Variants in TKFC observed in about 807,000 individuals in gnomAD.
TKFC encodes the protein triokinase and FMN cyclase, also known as triokinase/FMN cyclase.
TKFC carries 46 observed loss-of-function variants against 61.0 expected under a neutral mutation model. That is an observed-to-expected ratio of 0.75 (90% CI 0.60 to 0.96). TKFC has a LOEUF of 0.96. Ranked by LOEUF, TKFC falls within the 50% of genes least tolerant of loss-of-function variation. The pLI, the probability that TKFC is intolerant of heterozygous loss-of-function variation, is 0.00. For synonymous variants in TKFC, 314 were observed against 330.1 expected (o/e 0.95, Z 0.53); for missense variants, 715 against 777.5 (o/e 0.92, Z 0.96).
In TKFC at chr11:61,339,101, G is replaced by A. The variant is rs368722603; in HGVS notation, c.229G>A (p.Ala77Thr). 1.3e-5 allele frequency: 21 copies of A among 1,613,534 alleles called. No individual in the cohort carries two copies. The highest frequency in any genetic ancestry group is 1.1e-4 in the East Asian group (5 of 44,888). The change falls in exon 4 of 18, where the codon GCG becomes ACG. Residue 77 changes from alanine to threonine, a missense_variant. Coordinates refer to ENST00000394900, the MANE Select transcript of TKFC (RefSeq NM_015533.4). The part of the protein sequence containing the change: ...IGKGMLTGVI[A>T]GAVFTSPAVG... ...GAAGGGGATGCTGACTGGGGTCATCGCGGGAGCTGTGTTCACCTCCCCGGC... is the reference window on the plus strand; with the variant it reads ...GAAGGGGATGCTGACTGGGGTCATCACGGGAGCTGTGTTCACCTCCCCGGC...
chr11:61,344,741 T>C (rs892266803), intron 13 of TKFC, among the ~76,000 whole-genome samples: 1 of 152,238 alleles, frequency 6.6e-6, no homozygotes, highest in African/African-American at 2.4e-5. Flanking sequence ...AGTGAATAAC[T>C]TACAACTCAA....
intron 10 of TKFC, 162 bp downstream of exon 10, chr11:61,343,006 G>A: frequency 1.4e-6 from 1 of 708,352 alleles, no homozygotes; most frequent in South Asian, 1.8e-5. Context: ...TTGTTTTCTT[G>A]TCTGCAAATT....
chr11:61,348,431 C>T lies in TKFC; in HGVS notation c.*1928C>T. 1 of 985,406 alleles carries T rather than the reference C, an allele frequency of 1.0e-6. No homozygotes were observed. Among genetic ancestry groups the T allele is most frequent in the South Asian group, 4.7e-5 (1 of 21,286 alleles). 61.0% of individuals were successfully genotyped at this position (985,406 alleles called of 1,614,324 possible). A position where few individuals can be genotyped will look rare whatever the true frequency, so the allele number is the denominator to read the frequency against. ...GGTCAGACCTGTCCTGAGGCTTTTACAAATTGGCCCAGAACTCATTTAACC... is the reference window on the plus strand; with the variant it reads ...GGTCAGACCTGTCCTGAGGCTTTTATAAATTGGCCCAGAACTCATTTAACC... On this transcript the variant is annotated 3_prime_UTR_variant, in exon 18 of 18. Coordinates refer to ENST00000394900, the MANE Select transcript of TKFC (RefSeq NM_015533.4).
At position 61,347,266 on chromosome 11, in the gene TKFC, G is replaced by A; in HGVS notation, c.*763G>A. ...AGATCAAAAAATGCAGCCAGGCCGG[G>A]CACGGTGGCTCACACCTGCAATCCC... On this transcript the variant is annotated 3_prime_UTR_variant, in exon 18 of 18. Transcript: ENST00000394900. The A allele has an allele frequency of 1.0e-6, 1 of 985,458 alleles. No individual in the cohort carries two copies. Among genetic ancestry groups the A allele is most frequent in the Non-Finnish European group, 1.2e-6 (1 of 829,994 alleles). 61.0% of individuals were successfully genotyped at this position (985,458 alleles called of 1,614,324 possible).
Position 61,334,672 on chromosome 11 carries a change from T to A in TKFC, c.-57T>A. On this transcript the variant is annotated 5_prime_UTR_variant, in exon 2 of 18. Coordinates refer to ENST00000394900, the MANE Select transcript of TKFC (RefSeq NM_015533.4). ...GACCCAGGTAGCACAGGATTGTCCA[T>A]CCTCCAGCAGCTCAGTGCAACGGTG... The A allele has an allele frequency of 1.2e-6, 2 of 1,613,394 alleles. No homozygotes were observed. The highest frequency in any genetic ancestry group is 1.7e-6 in the Non-Finnish European group (2 of 1,179,644).
At position 61,338,032 on chromosome 11, in the gene TKFC, AG is replaced by A; in HGVS notation, c.98del (p.Gly33AlafsTer35). The A allele has an allele frequency of 6.2e-7, 1 of 1,613,630 alleles. No individual in the cohort carries two copies. Among genetic ancestry groups the A allele is most frequent in the Non-Finnish European group, 8.5e-7 (1 of 1,179,946 alleles). Reference protein sequence around the residue: ...VACNPNLQLLQGHRVALRSDL... With the variant: ...VACNPNLQLLXGHRVALRSDL... ...TGCAACCCCAACCTGCAGCTCCTGC[AG>A]GGCCACCGCGTGGCCCTCCGTTCTG... is the stretch of plus-strand genomic sequence containing the variant. On this transcript the variant is annotated frameshift_variant, in exon 3 of 18. Coordinates refer to ENST00000394900, the MANE Select transcript of TKFC (RefSeq NM_015533.4).
chr11:61,345,473 G>T lies in TKFC; in HGVS notation c.1359G>T (p.Leu453=). ...MGGSSGALYG[L]FLTAAAQPLK... ...GTCATCTTCCCCAGCTCTATGGCCT[G>T]TTCCTGACTGCGGCTGCACAGCCCC... The change falls in exon 15 of 18, where the codon CTG becomes CTT. Residue 453 remains leucine (L), a synonymous_variant. Coordinates refer to ENST00000394900, the MANE Select transcript of TKFC (RefSeq NM_015533.4). The T allele has an allele frequency of 2.5e-6, 4 of 1,613,424 alleles. No homozygotes were observed. The highest frequency in any genetic ancestry group is 3.4e-6 in the Non-Finnish European group (4 of 1,180,012).
Position 61,348,596 on chromosome 11 carries a change from G to C in TKFC, c.*2093G>C. 1.5e-6 allele frequency: 1 copy of C among 658,704 alleles called. No homozygotes were observed. The highest frequency in any genetic ancestry group is 1.9e-6 in the Non-Finnish European group (1 of 531,134). 40.8% of individuals were successfully genotyped at this position (658,704 alleles called of 1,614,324 possible). A position where few individuals can be genotyped will look rare whatever the true frequency, so the allele number is the denominator to read the frequency against. ...GGGAGGTGATGGGGTTATGAGGGTG[G>C]AGCCCCAGAGAGCTCTCACGCCCTT... On this transcript the variant is annotated 3_prime_UTR_variant, in exon 18 of 18. Coordinates refer to ENST00000394900, the MANE Select transcript of TKFC (RefSeq NM_015533.4).
downstream of TKFC, chr11:61,349,871 C>T: frequency 1.8e-6 from 1 of 557,398 alleles, no homozygotes; most frequent in South Asian, 2.0e-5. Context: ...GAAATGCACA[C>T]CTTTATGGGG....
rs1257219440 is a variant in TKFC, at chr11:61,348,166, A to G, written c.*1663A>G. 11 of 985,284 alleles carry G rather than the reference A, an allele frequency of 1.1e-5. No individual in the cohort carries two copies. The highest frequency in any genetic ancestry group is 3.5e-5 in the African/African-American group (2 of 57,224). The allele number at this position is 985,284 out of a possible 1,614,324, so 61.0% of individuals were successfully genotyped here. A position where few individuals can be genotyped will look rare whatever the true frequency, so the allele number is the denominator to read the frequency against. ...GCTGACCTCAGACGGTGGCCTGTGGATCCCAGCTCTGTCATTTCCTGGCTG... is the reference window on the plus strand; with the variant it reads ...GCTGACCTCAGACGGTGGCCTGTGGGTCCCAGCTCTGTCATTTCCTGGCTG... On this transcript the variant is annotated 3_prime_UTR_variant, in exon 18 of 18. Transcript: ENST00000394900.
intron 13 of TKFC, 86 bp downstream of exon 13, chr11:61,344,359 CTTTTT>C (rs56214441): frequency 1.2e-3 from 1,271 of 1,082,182 alleles, no homozygotes; most frequent in Non-Finnish European, 1.3e-3. Flanking sequence ...AGGGACCTTC[CTTTTT>C]TTTTTTTTTT....
Position 61,340,389 on chromosome 11 carries a change from C to G in TKFC, c.486+954C>G, listed in dbSNP as rs1856807313. 5.2e-4 allele frequency among the ~76,000 whole-genome samples: 2 copies of G among 3,882 alleles called. 1 individual carries two copies. The highest frequency in any genetic ancestry group is 0.014 in the South Asian group (2 of 138). The allele number at this position is 3,882 out of a possible 152,430, so 2.5% of individuals were successfully genotyped here. On this transcript the variant is annotated intron_variant, in intron 5 of 17. Coordinates refer to ENST00000394900, the MANE Select transcript of TKFC (RefSeq NM_015533.4). ...TTGAGACGGAGTCTCGCTCTGTCGC[C>G]CAGGCCGGACTGCGGACTGCAGTGG...
Position 61,348,064 on chromosome 11 carries a change from C to CT in TKFC, c.*1562dup, listed in dbSNP as rs1857228002. 1.0e-6 allele frequency: 1 copy of CT among 985,328 alleles called. No homozygotes were observed. Among genetic ancestry groups the CT allele is most frequent in the Admixed American group, 6.1e-5 (1 of 16,272 alleles). The allele number at this position is 985,328 out of a possible 1,614,324, so 61.0% of individuals were successfully genotyped here. A position where few individuals can be genotyped will look rare whatever the true frequency, so the allele number is the denominator to read the frequency against. On this transcript the variant is annotated 3_prime_UTR_variant, in exon 18 of 18. Coordinates refer to ENST00000394900, the MANE Select transcript of TKFC (RefSeq NM_015533.4). ...TGGGCTTCTCTACCCAGGGTCCTGTCTGTCGGCTGCACCATACGTCCCTGA... is the reference window on the plus strand; with the variant it reads ...TGGGCTTCTCTACCCAGGGTCCTGTCTTGTCGGCTGCACCATACGTCCCTGA...
intron 5 of TKFC, 27 bp from the exon 6 acceptor site, chr11:61,341,409 G>A (rs1856846240): frequency 4.5e-6 from 7 of 1,551,504 alleles, no homozygotes; most frequent in Non-Finnish European, 6.1e-6. Flanking sequence ...CCTCCCCCCT[G>A]GGGCTTTTAC....
rs550919669 is a variant in TKFC at position 61,335,267 on chromosome 11, G to A, written c.3+536G>A. ...CATGACCTTTTACAGACCTCTCTGCGCCTCTTTTTCTTCATCTGCATTATA... is the reference window on the plus strand; with the variant it reads ...CATGACCTTTTACAGACCTCTCTGCACCTCTTTTTCTTCATCTGCATTATA... On this transcript the variant is annotated intron_variant, in intron 2 of 17. Coordinates refer to ENST00000394900, the MANE Select transcript of TKFC (RefSeq NM_015533.4). 1.8e-4 allele frequency: 28 copies of A among 156,246 alleles called. No homozygotes were observed. The South Asian group carries it at 4.4e-3, about 24-fold the overall frequency. The allele number at this position is 156,246 out of a possible 1,614,324, so 9.7% of individuals were successfully genotyped here.
intron 2 of TKFC, among the ~76,000 whole-genome samples, chr11:61,337,723 A>G (rs1326306212): frequency 6.6e-6 from 1 of 152,222 alleles, no homozygotes; most frequent in Non-Finnish European, 1.5e-5. Flanking sequence ...GTATGGTGCA[A>G]GACACTTCAT....
rs762101954 is a variant in TKFC, at chr11:61,345,723, CT to C, written c.1464del (p.Ala489LeufsTer32). ...TCTTTCCCTGCCAGGTATGGCAAGG[CT>C]GCTCCAGGGGACAGGACTATGGTAT... ...GLEAMQKYGK[A>X]APGDRTMLDS... On this transcript the variant is annotated frameshift_variant, in exon 16 of 18. Transcript: ENST00000394900. LOFTEE classifies it high-confidence loss of function. The C allele has an allele frequency of 1.2e-6, 2 of 1,614,284 alleles. No individual in the cohort carries two copies. The highest frequency in any genetic ancestry group is 1.7e-6 in the Non-Finnish European group (2 of 1,180,050).
At chr11:61,337,002 TC>T (rs1470679442) in intron 2 of TKFC, among the ~76,000 whole-genome samples, 1 of 152,100 alleles carries the variant, frequency 6.6e-6, no homozygotes, top group Non-Finnish European at 1.5e-5. Context: ...TGCTTATCCT[TC>T]CCAGAGACCT....
chr11:61,353,187 A>G, downstream of TKFC: 2 of 1,540,296 alleles, frequency 1.3e-6, no homozygotes, highest in Non-Finnish European at 1.7e-6. Context: ...GTGTGACCAA[A>G]GCACATCCCA....
Sources: gnomAD v4.1 joint callset for allele counts (sites outside exome capture counted in the v4.1 genomes callset) on GRCh38, gnomAD v4.1.1 for gene constraint, MANE v1.5 for transcripts, NCBI Gene and HGNC (gene_info 2026-07-23, HGNC 2026-07-21) for gene names.